Variants in TRPM3 observed in about 807,000 individuals in gnomAD.
The protein encoded by TRPM3 is long transient receptor potential channel 3.
In TRPM3, 77 loss-of-function variants were observed where a neutral mutation model predicts 181.2. The observed-to-expected ratio is 0.42, with a 90% CI of 0.35 to 0.51. TRPM3 has a LOEUF of 0.51. TRPM3 is among the 20% of genes least tolerant of loss of function. TRPM3 has a pLI of 0.01. For synonymous variants in TRPM3, 745 were observed against 796.4 expected (o/e 0.94, Z 1.09); for missense variants, 1,759 against 2,196.7 (o/e 0.80, Z 3.98).
chr9:71,232,491 CTTTTTT>C (rs71352362), intron 1 of TRPM3, among the ~76,000 whole-genome samples: 32 of 59,152 alleles, frequency 5.4e-4, no homozygotes, highest in African/African-American at 2.0e-3. Context: ...AATTCAGTGT[CTTTTTT>C]TTTTTTTTTT....
At chr9:71,435,384 T>C (rs2094017479) in intron 1 of TRPM3, among the ~76,000 whole-genome samples, 1 of 152,228 alleles carries the variant, frequency 6.6e-6, no homozygotes. Context: ...TTTGAGTCTT[T>C]ATCTTGTAGG....
intron 7 of TRPM3, chr9:70,776,591 T>C: frequency 5.3e-6 from 3 of 562,518 alleles, no homozygotes; most frequent in Non-Finnish European, 6.3e-6. Flanking sequence ...CTGTCAGTCC[T>C]GTCAAAATGA....
At chr9:70,836,045 T>C (rs1589046302) in intron 5 of TRPM3, among the ~76,000 whole-genome samples, 1 of 152,302 alleles carries the variant, frequency 6.6e-6, no homozygotes, top group East Asian at 1.9e-4. Flanking sequence ...AATGTGAATA[T>C]TATTTTAGTT....
At chr9:71,010,366 A>T (rs1458706230) in intron 1 of TRPM3, among the ~76,000 whole-genome samples, 2 of 152,052 alleles carry the variant, frequency 1.3e-5, no homozygotes, top group African/African-American at 4.8e-5. Context: ...TATATAAGAA[A>T]CTCAAATCAG....
intron 1 of TRPM3, among the ~76,000 whole-genome samples, chr9:71,196,579 T>C (rs2078380471): frequency 6.6e-6 from 1 of 152,106 alleles, no homozygotes; most frequent in East Asian, 1.9e-4. Context: ...CCTGTTCTTC[T>C]TCTCTCCCCT....
chr9:70,767,053 GAA>G (rs1220901729), intron 7 of TRPM3, among the ~76,000 whole-genome samples: 2 of 152,236 alleles, frequency 1.3e-5, no homozygotes, highest in Non-Finnish European at 1.5e-5. Flanking sequence ...TGCTTTTTAG[GAA>G]AGAGTCACTG....
At chr9:71,136,967 T>G (rs1469000742) in intron 1 of TRPM3, among the ~76,000 whole-genome samples, 1 of 152,176 alleles carries the variant, frequency 6.6e-6, no homozygotes, top group Admixed American at 6.5e-5. Flanking sequence ...TTGAGGTTTT[T>G]AAGTGTGCAG....
chr9:71,080,997 G>A (rs1188514247), intron 1 of TRPM3, among the ~76,000 whole-genome samples: 2 of 152,062 alleles, frequency 1.3e-5, no homozygotes, highest in Non-Finnish European at 2.9e-5. Context: ...GTACCAAAAA[G>A]CAGGAGAAGG....
intron 1 of TRPM3, among the ~76,000 whole-genome samples, chr9:71,060,317 T>C (rs1180259933): frequency 6.6e-6 from 1 of 152,060 alleles, no homozygotes; most frequent in Non-Finnish European, 1.5e-5. Context: ...CTGGACAGTT[T>C]CAAGACCACA....
chr9:71,355,359 G>A (rs912555358), intron 1 of TRPM3, among the ~76,000 whole-genome samples: 2 of 152,140 alleles, frequency 1.3e-5, no homozygotes, highest in Non-Finnish European at 2.9e-5. Context: ...ACAAAGAAGA[G>A]AATGCCATGT....
rs202002162 is a variant in TRPM3 at position 70,690,552 on chromosome 9, A to T, written c.1273-8974T>A. 6.4e-5 allele frequency among the ~76,000 whole-genome samples: 4 copies of T among 62,146 alleles called. No individual in the cohort carries two copies. In the East Asian group the frequency reaches 2.0e-3, roughly 31 times the overall value. 40.8% of individuals were successfully genotyped at this position (62,146 alleles called of 152,430 possible). A position where few individuals can be genotyped will look rare whatever the true frequency, so the allele number is the denominator to read the frequency against. On this transcript the variant is annotated intron_variant, in intron 8 of 25. Coordinates refer to ENST00000677713, the MANE Select transcript of TRPM3 (RefSeq NM_001366145.2). The stretch of plus-strand genomic sequence containing the variant: ...GAAATAACTTTTTATTTATTTATTT[A>T]TATTTATTTATATTTATTTATTTTT...
intron 8 of TRPM3, among the ~76,000 whole-genome samples, chr9:70,745,008 G>A (rs1240078702): frequency 2.0e-5 from 3 of 152,042 alleles, no homozygotes; most frequent in Non-Finnish European, 4.4e-5. Flanking sequence ...TACTAATACC[G>A]ACCTCAGCAA....
chr9:70,697,678 GT>G (rs1247835006), intron 8 of TRPM3, among the ~76,000 whole-genome samples: 1 of 152,062 alleles, frequency 6.6e-6, no homozygotes, highest in African/African-American at 2.4e-5. Context: ...TGTTTTTACT[GT>G]TGCATGTCAC....
At chr9:71,219,765 C>A (rs566984642) in intron 1 of TRPM3, among the ~76,000 whole-genome samples, 1 of 152,000 alleles carries the variant, frequency 6.6e-6, no homozygotes, top group Non-Finnish European at 1.5e-5. Flanking sequence ...TCAGATTGCC[C>A]AACAGGGATT....
At chr9:70,955,829 C>G (rs1159989413) in intron 1 of TRPM3, among the ~76,000 whole-genome samples, 1 of 152,124 alleles carries the variant, frequency 6.6e-6, no homozygotes, top group East Asian at 1.9e-4. Flanking sequence ...TGAACCCCAC[C>G]CATCAAATTA....
chr9:70,765,948 T>C (rs897424166), intron 7 of TRPM3, among the ~76,000 whole-genome samples: 20 of 152,204 alleles, frequency 1.3e-4, no homozygotes, highest in African/African-American at 9.6e-5. Flanking sequence ...CATAGTATTA[T>C]GTGAAATTTT....
intron 1 of TRPM3, among the ~76,000 whole-genome samples, chr9:71,339,984 G>A (rs1033500722): frequency 1.3e-5 from 2 of 152,046 alleles, no homozygotes; most frequent in African/African-American, 4.8e-5. Flanking sequence ...GTAGATCCAG[G>A]GAATAAAACT....
chr9:70,930,975 C>T (rs1464887072), intron 1 of TRPM3, among the ~76,000 whole-genome samples: 1 of 151,990 alleles, frequency 6.6e-6, no homozygotes, highest in Non-Finnish European at 1.5e-5. Flanking sequence ...CCTCCAATAA[C>T]TGTATTTTCC....
At chr9:70,781,616 C>T (rs905941636) in intron 7 of TRPM3, among the ~76,000 whole-genome samples, 1 of 152,094 alleles carries the variant, frequency 6.6e-6, no homozygotes, top group African/African-American at 2.4e-5. Context: ...AACACTACAG[C>T]ACATACCATA....
Sources: allele counts gnomAD v4.1 joint callset (sites outside exome capture counted in the v4.1 genomes callset), GRCh38; gene constraint gnomAD v4.1.1; transcripts MANE v1.5; gene names NCBI Gene and HGNC (gene_info 2026-07-23, HGNC 2026-07-21).